Variants in ISL1 observed in about 807,000 individuals in gnomAD.
ISL1 encodes the protein insulin gene enhancer protein ISL-1.
A neutral mutation model predicts 35.3 loss-of-function variants in ISL1; 4 were observed. The ratio of observed to expected loss-of-function variants is 0.11; its 90% CI spans 0.06 to 0.26. The LOEUF (loss-of-function observed/expected upper bound fraction) is 0.26. Among genes scored for constraint, ISL1 ranks in the 10% least tolerant of loss-of-function variants. ISL1 has a pLI of 1.00. For synonymous variants in ISL1, 186 were observed against 172.3 expected, an observed-to-expected ratio of 1.08 and a Z score of -0.62; for missense variants, 340 against 472.8, an observed-to-expected ratio of 0.72 and a Z score of 2.60.
chr5:51,386,760 C>T, intron 2 of ISL1: 1 of 371,792 alleles, frequency 2.7e-6, no homozygotes, highest in Non-Finnish European at 5.2e-6. Context: ...GGAACAGACG[C>T]AGATTTTTTT....
intron 4 of ISL1, among the ~76,000 whole-genome samples, chr5:51,390,574 C>A (rs1240305984): frequency 6.6e-6 from 1 of 150,876 alleles, no homozygotes; most frequent in South Asian, 2.1e-4. Context: ...GAAGCACCCA[C>A]TCTGCAGGCC....
intron 1 of ISL1, among the ~76,000 whole-genome samples, chr5:51,383,941 G>A (rs1176057453): frequency 1.3e-5 from 2 of 152,050 alleles, no homozygotes; most frequent in Admixed American, 1.3e-4. Flanking sequence ...CTAGCTTTCT[G>A]GTGCTAAGCG....
intron 2 of ISL1, among the ~76,000 whole-genome samples, chr5:51,385,827 C>T (rs1432666070): frequency 2.0e-5 from 3 of 152,046 alleles, no homozygotes; most frequent in Non-Finnish European, 4.4e-5. Flanking sequence ...TTTTGTTAGG[C>T]AAATGGTTTC....
chr5:51,383,725 G>A, intron 1 of ISL1, 26 bp downstream of exon 1: 2 of 1,598,232 alleles, frequency 1.3e-6, no homozygotes, highest in African/African-American at 1.3e-5. Flanking sequence ...ACCTTGTGGG[G>A]CTCGGTGTGC....
At position 51,389,572 on chromosome 5, in the gene ISL1, AGCGAGCGC is replaced by A; in HGVS notation, c.479-69_479-62del. ...GGGCGGGCGGGCAAGCGAGCGAGCG[AGCGAGCGC>A]GCGACCGCGGGCGGGCCGGCAAGCG... On this transcript the variant is annotated intron_variant, in intron 3 of 5. Transcript: ENST00000230658. The surrounding 1 kb of genome is among the most constrained non-coding windows in gnomAD (Gnocchi z 5.0). 7.6e-7 allele frequency: 1 copy of A among 1,323,096 alleles called. No individual in the cohort carries two copies. The highest frequency in any genetic ancestry group is 9.7e-7 in the Non-Finnish European group (1 of 1,030,440). 82.0% of individuals were successfully genotyped at this position (1,323,096 alleles called of 1,614,324 possible).
chr5:51,386,932 G>A (rs1408321868), intron 2 of ISL1, among the ~76,000 whole-genome samples: 4 of 152,148 alleles, frequency 2.6e-5, no homozygotes, highest in African/African-American at 9.7e-5. Context: ...TTATTTGTGA[G>A]TGTTTGCAAA....
Position 51,387,466 on chromosome 5 carries a change from T to TCCCCCCC in ISL1, c.219-22_219-21insCCCCCCC. Reference sequence around the variant, plus strand: ...ACTTCTCTCCCCGCTCTGGGCCGCCTCCGCTCCCCCCTCCCCCGCACAGGT... The same window carrying TCCCCCCC: ...ACTTCTCTCCCCGCTCTGGGCCGCCTCCCCCCCCCGCTCCCCCCTCCCCCGCACAGGT... On this transcript the variant is annotated intron_variant, in intron 2 of 5. Coordinates refer to ENST00000230658, the MANE Select transcript of ISL1 (RefSeq NM_002202.3). The surrounding 1 kb of genome is among the most constrained non-coding windows in gnomAD (Gnocchi z 4.3). The TCCCCCCC allele has an allele frequency of 6.2e-7, 1 of 1,613,248 alleles. No homozygotes were observed. The highest frequency in any genetic ancestry group is 8.5e-7 in the Non-Finnish European group (1 of 1,179,682).
rs141481716 is a variant in ISL1, at chr5:51,386,770, T to A, written c.219-720T>A. 1,336 of 370,212 alleles carry A rather than the reference T, an allele frequency of 3.6e-3. 19 individuals are homozygous for A. The highest frequency in any genetic ancestry group is 0.025 in the African/African-American group (1,181 of 46,858). The allele number at this position is 370,212 out of a possible 1,614,324, so 22.9% of individuals were successfully genotyped here. ...TTGAGGGAACAGACGCAGATTTTTT[T>A]AAAAAAATAATAATACAAGGAAGAA... On this transcript the variant is annotated intron_variant, in intron 2 of 5. Coordinates refer to ENST00000230658, the MANE Select transcript of ISL1 (RefSeq NM_002202.3).
Position 51,387,707 on chromosome 5 carries a change from C to A in ISL1, c.436C>A (p.Pro146Thr), listed in dbSNP as rs200172777. The A allele has an allele frequency of 2.5e-4, 403 of 1,614,192 alleles. No individual in the cohort carries two copies. Among genetic ancestry groups the A allele is most frequent in the Middle Eastern group, 1.6e-3 (10 of 6,062 alleles). Reference sequence around the variant, plus strand: ...GAGGGCCAGTCTAGGCGCTGGCGACCCGCTCAGTCCCCTGCATCCAGCGCG... The same window carrying A: ...GAGGGCCAGTCTAGGCGCTGGCGACACGCTCAGTCCCCTGCATCCAGCGCG... ...VERASLGAGD[P>T]LSPLHPARPL... Residue 146 changes from proline (P) to threonine (T), a missense_variant, in exon 3 of 6, where the codon CCG becomes ACG. This residue lies in a region of ISL1 where 94 missense variants were observed against 102.1 expected (regional missense o/e 0.92). Coordinates refer to ENST00000230658, the MANE Select transcript of ISL1 (RefSeq NM_002202.3). The surrounding 1 kb of genome is among the most constrained non-coding windows in gnomAD (Gnocchi z 4.3).
In ISL1 at chr5:51,387,463, G is replaced by C; in HGVS notation, c.219-27G>C. 2 of 1,612,932 alleles carry C rather than the reference G, an allele frequency of 1.2e-6. No individual in the cohort carries two copies. The highest frequency in any genetic ancestry group is 1.7e-6 in the Non-Finnish European group (2 of 1,179,510). ...TGTACTTCTCTCCCCGCTCTGGGCCGCCTCCGCTCCCCCCTCCCCCGCACA... is the reference window on the plus strand; with the variant it reads ...TGTACTTCTCTCCCCGCTCTGGGCCCCCTCCGCTCCCCCCTCCCCCGCACA... On this transcript the variant is annotated intron_variant, in intron 2 of 5. Coordinates refer to ENST00000230658, the MANE Select transcript of ISL1 (RefSeq NM_002202.3). The surrounding 1 kb of genome is among the most constrained non-coding windows in gnomAD (Gnocchi z 4.3).
intron 1 of ISL1, 130 bp from the exon 2 acceptor site, chr5:51,384,411 A>G (rs4151673): frequency 1.3e-6 from 1 of 793,646 alleles, no homozygotes; most frequent in East Asian, 2.6e-5. Flanking sequence ...TCTAAAAAAA[A>G]AAAAAAAGAA....
chr5:51,387,874 C>A lies in ISL1; in HGVS notation c.478+125C>A. Reference sequence around the variant, plus strand: ...TTTGCCTGCAGTTAAATGAAGTGTTCTGTATGCAATTTGCGCTGTGCTCTG... The same window carrying A: ...TTTGCCTGCAGTTAAATGAAGTGTTATGTATGCAATTTGCGCTGTGCTCTG... On this transcript the variant is annotated intron_variant, in intron 3 of 5. Coordinates refer to ENST00000230658, the MANE Select transcript of ISL1 (RefSeq NM_002202.3). The surrounding 1 kb of genome is among the most constrained non-coding windows in gnomAD (Gnocchi z 4.3). 7.8e-7 allele frequency: 1 copy of A among 1,285,924 alleles called. No homozygotes were observed. 79.7% of individuals were successfully genotyped at this position (1,285,924 alleles called of 1,614,324 possible). A position where few individuals can be genotyped will look rare whatever the true frequency, so the allele number is the denominator to read the frequency against.
Position 51,389,804 on chromosome 5 carries a change from C to A in ISL1, c.637C>A (p.Gln213Lys), listed in dbSNP as rs1747444028. Residue 213 changes from glutamine (Q) to lysine (K), a missense_variant, in exon 4 of 6, where the codon CAA becomes AAA. Gln to Lys is a moderately conservative substitution (Grantham distance 53). Around this residue, in one of 7 missense-constraint regions of ISL1, gnomAD observed 24 missense variants for 59.7 expected, o/e 0.40. Transcript: ENST00000230658. The surrounding 1 kb of genome is among the most constrained non-coding windows in gnomAD (Gnocchi z 5.0). ...NPRPDALMKE[Q>K]LVEMTGLSPR... ...GCGGCCAGATGCGCTCATGAAGGAG[C>A]AACTGGTAGAGATGACGGGCCTCAG... 1 of 1,614,104 alleles carries A rather than the reference C, an allele frequency of 6.2e-7. No individual in the cohort carries two copies.
At chr5:51,386,050 G>T (rs1463443765) in intron 2 of ISL1, among the ~76,000 whole-genome samples, 1 of 152,086 alleles carries the variant, frequency 6.6e-6, no homozygotes, top group Non-Finnish European at 1.5e-5. Flanking sequence ...GTACAGGAAG[G>T]GGGAGGGATT....
At chr5:51,385,138 T>C (rs1454859593) in intron 2 of ISL1, among the ~76,000 whole-genome samples, 2 of 152,216 alleles carry the variant, frequency 1.3e-5, no homozygotes, top group African/African-American at 4.8e-5. Flanking sequence ...TTTTTAAAAT[T>C]AGTAGCTTAC....
chr5:51,392,676 C>T (rs1290918032), intron 5 of ISL1, among the ~76,000 whole-genome samples: 1 of 152,158 alleles, frequency 6.6e-6, no homozygotes, highest in Non-Finnish European at 1.5e-5. Flanking sequence ...AATCCTGAAT[C>T]ACAGGAGGAA....
rs1472738947 is a variant in ISL1, at chr5:51,387,401, G to A, written c.219-89G>A. On this transcript the variant is annotated intron_variant, in intron 2 of 5. Transcript: ENST00000230658. The surrounding 1 kb of genome is among the most constrained non-coding windows in gnomAD (Gnocchi z 4.3). ...TGGGGCGTCTTGCCCGGGATCTTGG[G>A]CCAGGGAAGTGCCGGCCTGAAGTGA... The A allele has an allele frequency of 2.2e-5, 32 of 1,449,442 alleles. No individual in the cohort carries two copies. The highest frequency in any genetic ancestry group is 3.0e-5 in the Non-Finnish European group (31 of 1,048,056). The allele number at this position is 1,449,442 out of a possible 1,614,324, so 89.8% of individuals were successfully genotyped here. A position where few individuals can be genotyped will look rare whatever the true frequency, so the allele number is the denominator to read the frequency against.
chr5:51,391,219 A>T, intron 4 of ISL1, 55 bp from the exon 5 acceptor site: 1 of 1,584,264 alleles, frequency 6.3e-7, no homozygotes, highest in Non-Finnish European at 8.6e-7. Flanking sequence ...CAGACAACGG[A>T]GGGAGGGAAT....
In ISL1 at chr5:51,389,994, C is replaced by T. The variant is rs1285919933; in HGVS notation, c.765+62C>T. ...GGAAGGAGACGCAGCGTGCGAGGTGCGTTCCTGGTACGCAGGATCGCACGG... is the reference window on the plus strand; with the variant it reads ...GGAAGGAGACGCAGCGTGCGAGGTGTGTTCCTGGTACGCAGGATCGCACGG... On this transcript the variant is annotated intron_variant, in intron 4 of 5. Coordinates refer to ENST00000230658, the MANE Select transcript of ISL1 (RefSeq NM_002202.3). This position sits in a 1 kb window ranked among gnomAD's most constrained non-coding sequence, Gnocchi z 5.0. The T allele has an allele frequency of 5.7e-6, 9 of 1,566,150 alleles. No homozygotes were observed. The African/African-American group carries it at 1.1e-4, about 19-fold the overall frequency.
Sources: gnomAD v4.1 joint callset for allele counts (sites outside exome capture counted in the v4.1 genomes callset) on GRCh38, gnomAD v4.1.1 for gene constraint, gnomAD v4.1.1 regional missense constraint, Gnocchi (gnomAD v3.1) non-coding constraint, MANE v1.5 for transcripts, NCBI Gene and HGNC (gene_info 2026-07-23, HGNC 2026-07-21) for gene names.